The following PHF8 variants were observed in gnomAD, a reference collection of about 807,000 sequenced individuals.
PHF8 encodes histone lysine demethylase PHF8.
Under a neutral mutation model 74.4 loss-of-function variants are expected in PHF8, and 9 were observed. The observed-to-expected ratio is 0.12, with a 90% CI of 0.07 to 0.21. The LOEUF (loss-of-function observed/expected upper bound fraction) is 0.21. PHF8 is among the 10% of genes least tolerant of loss of function. PHF8 has a pLI of 1.00. For synonymous variants in PHF8, 311 were observed against 316.6 expected, an observed-to-expected ratio of 0.98 and a Z score of 0.19; for missense variants, 478 against 816.6, an observed-to-expected ratio of 0.59 and a Z score of 5.05.
chrX:54,011,308 G>A lies in PHF8; in HGVS notation c.784-24C>T, dbSNP rs781891046. 1.4e-5 allele frequency: 16 copies of A among 1,182,388 alleles called. 1 individual carries two copies. The South Asian group carries it at 2.7e-4, about 20-fold the overall frequency. ...CCCTGAAACAAAAAGAGGTTGAAGTGACAAAAATACCAAGGGTTTCCAGAA... is the reference window on the plus strand; with the variant it reads ...CCCTGAAACAAAAAGAGGTTGAAGTAACAAAAATACCAAGGGTTTCCAGAA... On this transcript the variant is annotated intron_variant, in intron 7 of 21. Coordinates refer to ENST00000338154, the MANE Select transcript of PHF8 (RefSeq NM_015107.3).
chrX:53,979,375 C>G lies in PHF8; in HGVS notation c.2443+5539G>C, dbSNP rs56707978. On this transcript the variant is annotated intron_variant, in intron 18 of 21. Coordinates refer to ENST00000338154, the MANE Select transcript of PHF8 (RefSeq NM_015107.3). ...CCAGCCTGGGTGACAGAGCGAGACT[C>G]TGTCTCAAAAATAAATAAATAAAAT... Among the ~76,000 whole-genome samples the G allele has an allele frequency of 7.2e-5, 8 of 110,809 alleles. No individual in the cohort carries two copies. The East Asian group carries it at 2.2e-3, about 31-fold the overall frequency.
chrX:54,031,408 C>G (rs188120994), intron 2 of PHF8, among the ~76,000 whole-genome samples: 8 of 109,756 alleles, frequency 7.3e-5, no homozygotes, highest in African/African-American at 2.6e-4. Flanking sequence ...CGCCCCACCC[C>G]TCCAACTCCA....
chrX:54,047,367 G>A (rs2066639156), upstream of PHF8, among the ~76,000 whole-genome samples: 1 of 111,576 alleles, frequency 9.0e-6, no homozygotes, highest in African/African-American at 3.3e-5. Context: ...GATTTGGTGG[G>A]GAGGAGACTA....
Position 54,036,246 on chromosome X carries a change from G to A in PHF8, c.98+6385C>T, listed in dbSNP as rs957256471. 1.4e-4 allele frequency among the ~76,000 whole-genome samples: 15 copies of A among 110,670 alleles called. No individual in the cohort carries two copies. In the Middle Eastern group the frequency reaches 0.023, roughly 173 times the overall value. ...GGCAGAATACACATTCTTTTCGAGTGATCATGAAACATTTACCAAGATAGA... is the reference window on the plus strand; with the variant it reads ...GGCAGAATACACATTCTTTTCGAGTAATCATGAAACATTTACCAAGATAGA... On this transcript the variant is annotated intron_variant, in intron 2 of 21. Transcript: ENST00000338154.
intron 2 of PHF8, among the ~76,000 whole-genome samples, chrX:54,030,545 A>G (rs112844060): frequency 0.13 from 14,066 of 111,741 alleles, 904 homozygotes; most frequent in African/African-American, 0.24. Flanking sequence ...TGGACATTTT[A>G]GAGCGGGAGA....
At chrX:54,013,808 T>C (rs782575398) in intron 7 of PHF8, among the ~76,000 whole-genome samples, 2 of 110,667 alleles carry the variant, frequency 1.8e-5, no homozygotes, top group Non-Finnish European at 1.9e-5. Flanking sequence ...ACTGTCATCT[T>C]AGGTGACAGA....
At chrX:54,011,032 C>T (rs1271495780) in intron 8 of PHF8, 90 bp downstream of exon 8, 1 of 803,016 alleles carries the variant, frequency 1.2e-6, no homozygotes, top group Admixed American at 2.3e-5. Flanking sequence ...AAAGACATCC[C>T]ACGTAATCAG....
At chrX:54,015,597 A>AAAAAAAAAAAAAAG (rs1374745783) in intron 6 of PHF8, among the ~76,000 whole-genome samples, 1 of 104,900 alleles carries the variant, frequency 9.5e-6, no homozygotes, top group African/African-American at 3.5e-5. Context: ...AAAAAAAAAA[A>AAAAAAAAAAAAAAG]CACAACAGCA....
intron 7 of PHF8, 62 bp from the exon 8 acceptor site, chrX:54,011,346 G>T: frequency 1.0e-6 from 1 of 964,599 alleles, no homozygotes; most frequent in South Asian, 2.0e-5. Flanking sequence ...GTCCTTAACG[G>T]GTACTCCAAA....
intron 18 of PHF8, among the ~76,000 whole-genome samples, chrX:53,980,149 C>G (rs1298947405): frequency 9.0e-6 from 1 of 111,340 alleles, no homozygotes; most frequent in Non-Finnish European, 1.9e-5. Flanking sequence ...TGTAATAAAA[C>G]TGGAAGCTAG....
Position 53,938,313 on chromosome X carries a change from CCAGCCA to C in PHF8, c.*839_*844del, listed in dbSNP as rs1292436008. On this transcript the variant is annotated 3_prime_UTR_variant, in exon 22 of 22. Coordinates refer to ENST00000338154, the MANE Select transcript of PHF8 (RefSeq NM_015107.3). ...GAGATGGTTTTCCACCTGCCAGGGC[CCAGCCA>C]CAGCCACAGCCACAGCCACGTGGAT... 7.0e-4 allele frequency: 704 copies of C among 1,007,764 alleles called. 1 individual carries two copies. Among genetic ancestry groups the C allele is most frequent in the Non-Finnish European group, 8.4e-4 (665 of 796,014 alleles). The allele number at this position is 1,007,764 out of a possible 1,213,427, so 83.1% of individuals were successfully genotyped here.
At chrX:54,028,371 A>G (rs782693288) in intron 2 of PHF8, among the ~76,000 whole-genome samples, 1 of 111,813 alleles carries the variant, frequency 8.9e-6, no homozygotes, top group East Asian at 2.8e-4. Flanking sequence ...AGTAACAGCC[A>G]CTATGAGTAG....
At chrX:53,947,611 C>A (rs934338375) in intron 19 of PHF8, among the ~76,000 whole-genome samples, 1 of 112,057 alleles carries the variant, frequency 8.9e-6, no homozygotes, top group African/African-American at 3.2e-5. Flanking sequence ...AACATGACCC[C>A]AAATCCCATC....
upstream of PHF8, chrX:54,044,932 CGTT>C (rs2066620284): frequency 9.0e-7 from 1 of 1,110,190 alleles, no homozygotes; most frequent in Non-Finnish European, 1.2e-6. Flanking sequence ...ACGGTCTCTG[CGTT>C]GTTGGTTCTT....
intron 18 of PHF8, among the ~76,000 whole-genome samples, chrX:53,980,399 A>ACTTC (rs2065461241): frequency 9.0e-6 from 1 of 111,305 alleles, no homozygotes; most frequent in Non-Finnish European, 1.9e-5. Flanking sequence ...ATATGCACAG[A>ACTTC]AGTATGACCA....
In PHF8 at chrX:54,014,493, C is replaced by T; in HGVS notation, c.667G>A (p.Glu223Lys). Residue 223 changes from glutamate (E) to lysine (K), a missense_variant, in exon 7 of 22, where the codon GAA becomes AAA. Physicochemically the swap from Glu to Lys is moderately conservative, Grantham distance 56. Coordinates refer to ENST00000338154, the MANE Select transcript of PHF8 (RefSeq NM_015107.3). Reference sequence around the variant, plus strand: ...ACATTGGGTCTCTCAAAGACACATTCCTCTGGCCACAAGTTTTCGACCCAT... The same window carrying T: ...ACATTGGGTCTCTCAAAGACACATTTCTCTGGCCACAAGTTTTCGACCCAT... Reference protein sequence around the residue: ...LSWVENLWPEECVFERPNVQK... With the variant: ...LSWVENLWPEKCVFERPNVQK... 1 of 1,205,459 alleles carries T rather than the reference C, an allele frequency of 8.3e-7. No homozygotes were observed. The highest frequency in any genetic ancestry group is 1.1e-6 in the Non-Finnish European group (1 of 889,857).
chrX:54,043,283 A>G (rs1557116517), intron 1 of PHF8: 2 of 176,358 alleles, frequency 1.1e-5, no homozygotes, highest in Non-Finnish European at 8.9e-6. Context: ...AACCAGAGAG[A>G]GATAAGGGAT....
At position 53,940,496 on chromosome X, in the gene PHF8, C is replaced by T. The variant is rs1383843357; in HGVS notation, c.2670G>A (p.Lys890=). The T allele has an allele frequency of 3.3e-6, 4 of 1,199,849 alleles. No individual in the cohort carries two copies. The highest frequency in any genetic ancestry group is 3.5e-5 in the African/African-American group (2 of 56,898). ...LAQQELQKAQ[K]KKYIKKKPLL... ...AAGGCTTCTTCTTGATATATTTCTT[C>T]TTTTGGGCCTTCTGTAGCTCCTGAA... Residue 890 remains lysine, a synonymous_variant, in exon 21 of 22, where the codon AAG becomes AAA. Coordinates refer to ENST00000338154, the MANE Select transcript of PHF8 (RefSeq NM_015107.3).
chrX:53,972,606 T>G, intron 18 of PHF8, among the ~76,000 whole-genome samples: 1 of 111,479 alleles, frequency 9.0e-6, no homozygotes, highest in Non-Finnish European at 1.9e-5. Context: ...TCCCTTCATG[T>G]TAAAAACTCT....
Sources: allele counts gnomAD v4.1 joint callset (sites outside exome capture counted in the v4.1 genomes callset), GRCh38; gene constraint gnomAD v4.1.1; transcripts MANE v1.5; gene names NCBI Gene and HGNC (gene_info 2026-07-23, HGNC 2026-07-21).